The following GRM8 variants were observed in gnomAD, a reference collection of about 807,000 sequenced individuals.
GRM8 encodes metabotropic glutamate receptor 8.
Under a neutral mutation model 87.2 loss-of-function variants are expected in GRM8, and 47 were observed. The ratio of observed to expected loss-of-function variants is 0.54; its 90% CI spans 0.43 to 0.69. GRM8 has a LOEUF of 0.69. Among genes scored for constraint, GRM8 ranks in the 30% least tolerant of loss-of-function variants. The pLI is 0.00. For missense variants in GRM8, 1,019 were observed against 1,139.2 expected, an observed-to-expected ratio of 0.89 and a Z score of 1.52; for synonymous variants, 396 against 404.5, an observed-to-expected ratio of 0.98 and a Z score of 0.25.
intron 6 of GRM8, among the ~76,000 whole-genome samples, chr7:126,856,747 C>T (rs1237131995): frequency 6.6e-6 from 1 of 152,084 alleles, no homozygotes; most frequent in Non-Finnish European, 1.5e-5. Flanking sequence ...ACTTTGAAGC[C>T]CTTAGGTCAG....
rs1585923886 is a variant in GRM8, at chr7:126,785,733, G to A, written c.1157-15668C>T. Among the ~76,000 whole-genome samples the A allele has an allele frequency of 3.9e-5, 6 of 152,060 alleles. No homozygotes were observed. The South Asian group carries it at 1.2e-3, about 32-fold the overall frequency. ...AACCAGGAGGAATTAGAGCCACAAC[G>A]TGGAGATAGCAGAGTAATAAACTAG... is the stretch of plus-strand genomic sequence containing the variant. On this transcript the variant is annotated intron_variant, in intron 6 of 10. Coordinates refer to ENST00000339582, the MANE Select transcript of GRM8 (RefSeq NM_000845.3).
At chr7:126,493,927 G>A (rs1808366723) in intron 9 of GRM8, among the ~76,000 whole-genome samples, 1 of 151,998 alleles carries the variant, frequency 6.6e-6, no homozygotes, top group African/African-American at 2.4e-5. Context: ...TCAGCTGGCT[G>A]TAGAAGGCTG....
At chr7:126,566,132 T>C (rs1486050579) in intron 8 of GRM8, among the ~76,000 whole-genome samples, 1 of 152,232 alleles carries the variant, frequency 6.6e-6, no homozygotes, top group Non-Finnish European at 1.5e-5. Flanking sequence ...AGGCAATGAT[T>C]TGATGAATTT....
chr7:126,452,077 A>G (rs1008311277), intron 9 of GRM8, among the ~76,000 whole-genome samples: 1 of 151,736 alleles, frequency 6.6e-6, no homozygotes, highest in African/African-American at 2.4e-5. Context: ...AATGTGGCAC[A>G]TATACACTAT....
At chr7:126,555,051 T>A (rs1340305574) in intron 8 of GRM8, among the ~76,000 whole-genome samples, 1 of 152,144 alleles carries the variant, frequency 6.6e-6, no homozygotes, top group Non-Finnish European at 1.5e-5. Context: ...TAAGAATAAA[T>A]TATGATGTTA....
chr7:126,955,956 T>C (rs1272211269), intron 3 of GRM8, among the ~76,000 whole-genome samples: 2 of 152,172 alleles, frequency 1.3e-5, no homozygotes, highest in Non-Finnish European at 2.9e-5. Flanking sequence ...TAAATGTTTT[T>C]TTAAAAAAGA....
intron 2 of GRM8, among the ~76,000 whole-genome samples, chr7:127,179,426 C>T (rs1271093333): frequency 6.6e-6 from 1 of 152,076 alleles, no homozygotes; most frequent in Non-Finnish European, 1.5e-5. Flanking sequence ...CCACTGACAG[C>T]ACTAGACAGG....
At chr7:126,770,344 T>C (rs1818704698) in intron 6 of GRM8, among the ~76,000 whole-genome samples, 1 of 152,144 alleles carries the variant, frequency 6.6e-6, no homozygotes, top group Admixed American at 6.6e-5. Context: ...CCTATTATAT[T>C]GTGCATTCTA....
chr7:126,836,120 A>C (rs1028734574), intron 6 of GRM8, among the ~76,000 whole-genome samples: 2 of 152,206 alleles, frequency 1.3e-5, no homozygotes, highest in African/African-American at 4.8e-5. Context: ...TGAATTTCAC[A>C]TTACTGAAGC....
At chr7:126,622,323 C>T (rs1250322886) in intron 7 of GRM8, among the ~76,000 whole-genome samples, 2 of 152,284 alleles carry the variant, frequency 1.3e-5, no homozygotes, top group Non-Finnish European at 2.9e-5. Context: ...TCCTATCACA[C>T]TTTCCCAGTT....
intron 7 of GRM8, among the ~76,000 whole-genome samples, chr7:126,616,188 G>A (rs1799471644): frequency 1.3e-5 from 2 of 152,168 alleles, no homozygotes; most frequent in Admixed American, 1.3e-4. Context: ...TCAGACCACA[G>A]TGCAATCAAA....
chr7:127,134,315 G>C (rs964139515), intron 2 of GRM8, among the ~76,000 whole-genome samples: 1 of 152,162 alleles, frequency 6.6e-6, no homozygotes, highest in Non-Finnish European at 1.5e-5. Flanking sequence ...GAAAAGGTGA[G>C]AAAATATCTA....
intron 2 of GRM8, among the ~76,000 whole-genome samples, chr7:127,230,994 C>T (rs1253315066): frequency 2.0e-5 from 3 of 152,164 alleles, no homozygotes; most frequent in South Asian, 4.1e-4. Flanking sequence ...TTATATTGCT[C>T]GTGGTTATTT....
At chr7:126,460,156 T>C (rs1289966531) in intron 9 of GRM8, among the ~76,000 whole-genome samples, 1 of 151,590 alleles carries the variant, frequency 6.6e-6, no homozygotes, top group Non-Finnish European at 1.5e-5. Flanking sequence ...CTTTCTATAA[T>C]TGGTCACTAT....
In GRM8 at chr7:127,243,135, T is replaced by G; in HGVS notation, c.70A>C (p.Ile24Leu). Residue 24 changes from isoleucine to leucine, a missense_variant, in exon 2 of 11, where the codon ATC becomes CTC. Ile to Leu is a conservative substitution (Grantham distance 5, BLOSUM62 2). Coordinates refer to ENST00000339582, the MANE Select transcript of GRM8 (RefSeq NM_000845.3). The stretch of plus-strand genomic sequence containing the variant: ...TGAGTTCTTTGCATCATTGTGAGGA[T>G]CCAGTAGAACTTGGCGGTCAAGAGG... ...FFLLTAKFYWILTMMQRTHSQ... is the reference protein window; with the variant it reads ...FFLLTAKFYWLLTMMQRTHSQ... 6.2e-7 allele frequency: 1 copy of G among 1,613,812 alleles called. No individual in the cohort carries two copies. The highest frequency in any genetic ancestry group is 8.5e-7 in the Non-Finnish European group (1 of 1,179,850).
intron 6 of GRM8, among the ~76,000 whole-genome samples, chr7:126,818,776 T>C (rs1794016938): frequency 6.6e-6 from 1 of 152,152 alleles, no homozygotes; most frequent in African/African-American, 2.4e-5. Flanking sequence ...CACATCTAAT[T>C]ATTAAAACTT....
intron 3 of GRM8, among the ~76,000 whole-genome samples, chr7:127,104,967 C>T (rs1303168475): frequency 6.6e-6 from 1 of 152,204 alleles, no homozygotes; most frequent in Non-Finnish European, 1.5e-5. Context: ...ATCTCATGCA[C>T]ACAAAATGTG....
chr7:127,059,000 G>A (rs567863439), intron 3 of GRM8, among the ~76,000 whole-genome samples: 13 of 152,278 alleles, frequency 8.5e-5, no homozygotes, highest in African/African-American at 2.9e-4. Context: ...AAGAAACAGT[G>A]TCACCTTGAG....
rs551802596 is a variant in GRM8 at position 126,710,287 on chromosome 7, G to T, written c.1357+59578C>A. Among the ~76,000 whole-genome samples the T allele has an allele frequency of 5.9e-5, 9 of 152,176 alleles. 1 individual carries two copies. The South Asian group carries it at 6.2e-4, about 11-fold the overall frequency. On this transcript the variant is annotated intron_variant, in intron 7 of 10. Coordinates refer to ENST00000339582, the MANE Select transcript of GRM8 (RefSeq NM_000845.3). Reference sequence around the variant, plus strand: ...AATTGTGTGGCAATTTCATAAACGAGACAACAATAAAGTACGGCATTGATT... The same window carrying T: ...AATTGTGTGGCAATTTCATAAACGATACAACAATAAAGTACGGCATTGATT...
Sources: gnomAD v4.1 joint callset for allele counts (sites outside exome capture counted in the v4.1 genomes callset) on GRCh38, gnomAD v4.1.1 for gene constraint, MANE v1.5 for transcripts, NCBI Gene and HGNC (gene_info 2026-07-23, HGNC 2026-07-21) for gene names.